Variants in DENND1A observed in about 807,000 individuals in gnomAD.
DENND1A encodes the protein DENN domain containing 1A.
DENND1A carries 51 observed loss-of-function variants against 113.7 expected under a neutral mutation model. The observed-to-expected ratio is 0.45, with a 90% CI of 0.36 to 0.57. The LOEUF (loss-of-function observed/expected upper bound fraction) is 0.57. Ranked by LOEUF, DENND1A falls within the 20% of genes least tolerant of loss-of-function variation. The pLI is 0.00. For synonymous variants in DENND1A, 565 were observed against 570.8 expected, an observed-to-expected ratio of 0.99 and a Z score of 0.14; for missense variants, 1,258 against 1,395.9, an observed-to-expected ratio of 0.90 and a Z score of 1.57.
intron 19 of DENND1A, among the ~76,000 whole-genome samples, chr9:123,434,360 T>G (rs2046363430): frequency 6.6e-6 from 1 of 152,230 alleles, no homozygotes; most frequent in South Asian, 2.1e-4. Context: ...GAAAGTGAAT[T>G]TGGAAATAGT....
At chr9:123,592,666 G>C (rs1209202351) in intron 11 of DENND1A, among the ~76,000 whole-genome samples, 1 of 152,082 alleles carries the variant, frequency 6.6e-6, no homozygotes, top group African/African-American at 2.4e-5. Context: ...GTGTTGGTTT[G>C]GATTTATTTT....
intron 13 of DENND1A, among the ~76,000 whole-genome samples, chr9:123,535,072 C>T (rs557033642): frequency 1.3e-5 from 2 of 152,108 alleles, no homozygotes; most frequent in South Asian, 2.1e-4. Context: ...CACCTCTACC[C>T]AAATAACACC....
At chr9:123,776,371 A>G (rs1425683024) in intron 3 of DENND1A, among the ~76,000 whole-genome samples, 1 of 152,244 alleles carries the variant, frequency 6.6e-6, no homozygotes, top group African/African-American at 2.4e-5. Context: ...ATTTTTAAAT[A>G]TGTTCAAACA....
chr9:123,427,966 G>A (rs1310422176), intron 19 of DENND1A, among the ~76,000 whole-genome samples: 1 of 152,178 alleles, frequency 6.6e-6, no homozygotes, highest in Non-Finnish European at 1.5e-5. Flanking sequence ...CCTGAGAATG[G>A]CCGTAGCAGA....
chr9:123,639,445 AC>A (rs1324633211), intron 9 of DENND1A, among the ~76,000 whole-genome samples: 2 of 76,226 alleles, frequency 2.6e-5, no homozygotes, highest in Non-Finnish European at 5.0e-5. Context: ...TATCCCCCCA[AC>A]CCCCTACCAA....
chr9:123,679,120 A>G (rs186087676), intron 5 of DENND1A, among the ~76,000 whole-genome samples: 1 of 152,254 alleles, frequency 6.6e-6, no homozygotes, highest in Non-Finnish European at 1.5e-5. Context: ...AAGGGGAAGT[A>G]GAATCTTGCA....
intron 2 of DENND1A, among the ~76,000 whole-genome samples, chr9:123,838,234 T>C (rs1213651747): frequency 1.3e-5 from 2 of 152,192 alleles, no homozygotes; most frequent in African/African-American, 4.8e-5. Flanking sequence ...TTTCTGTGCG[T>C]TGGTTTGTAA....
intron 13 of DENND1A, among the ~76,000 whole-genome samples, chr9:123,555,275 A>G (rs1564710085): frequency 6.6e-6 from 1 of 152,120 alleles, no homozygotes; most frequent in Non-Finnish European, 1.5e-5. Context: ...CCATCACTGT[A>G]CTACTGCTCA....
At chr9:123,584,574 A>G (rs1370789750) in intron 11 of DENND1A, among the ~76,000 whole-genome samples, 4 of 152,232 alleles carry the variant, frequency 2.6e-5, no homozygotes, top group African/African-American at 9.6e-5. Flanking sequence ...AGTAGCATAT[A>G]CTAGAAGCTT....
At chr9:123,650,330 T>C (rs1234407311) in intron 9 of DENND1A, among the ~76,000 whole-genome samples, 2 of 152,148 alleles carry the variant, frequency 1.3e-5, no homozygotes, top group Non-Finnish European at 2.9e-5. Context: ...GAAGGTATAA[T>C]AAAAACTGTA....
chr9:123,776,741 T>C (rs1830530968), intron 3 of DENND1A, among the ~76,000 whole-genome samples: 1 of 152,240 alleles, frequency 6.6e-6, no homozygotes, highest in South Asian at 2.1e-4. Context: ...AAAAAAGTGA[T>C]CTTTGTCAGA....
At chr9:123,457,249 G>A in intron 15 of DENND1A, 99 bp downstream of exon 15, 11 of 894,706 alleles carry the variant, frequency 1.2e-5, no homozygotes, top group Non-Finnish European at 2.0e-5. Context: ...CTCTTCCTAA[G>A]CCCCAATAAA....
At chr9:123,623,922 G>A (rs17215082) in intron 10 of DENND1A, among the ~76,000 whole-genome samples, 6,447 of 152,184 alleles carry the variant, frequency 0.042, 170 homozygotes, top group South Asian at 0.059. Context: ...ATCTTCAGGC[G>A]CCATGTAAAA....
intron 13 of DENND1A, among the ~76,000 whole-genome samples, chr9:123,499,395 T>A (rs958307870): frequency 3.3e-5 from 5 of 152,218 alleles, no homozygotes; most frequent in African/African-American, 1.2e-4. Flanking sequence ...AAGACCAGAA[T>A]ATCATAAAGG....
intron 11 of DENND1A, among the ~76,000 whole-genome samples, chr9:123,607,568 G>C (rs2060229364): frequency 7.3e-6 from 1 of 136,096 alleles, no homozygotes; most frequent in South Asian, 2.6e-4. Context: ...GTGTGTGTGT[G>C]TGTGTGTGTG....
At chr9:123,391,338 T>G (rs924413126) in intron 21 of DENND1A, among the ~76,000 whole-genome samples, 1 of 152,196 alleles carries the variant, frequency 6.6e-6, no homozygotes, top group Admixed American at 6.5e-5. Flanking sequence ...CTTTGTCGAG[T>G]CCAGGCCACA....
chr9:123,696,302 T>C (rs1025465454), intron 5 of DENND1A, among the ~76,000 whole-genome samples: 1 of 152,246 alleles, frequency 6.6e-6, no homozygotes, highest in African/African-American at 2.4e-5. Flanking sequence ...TGGCAGTTCC[T>C]GTACTTTAAA....
chr9:123,480,004 A>C (rs1203754954), intron 13 of DENND1A, among the ~76,000 whole-genome samples: 1 of 152,010 alleles, frequency 6.6e-6, no homozygotes, highest in Non-Finnish European at 1.5e-5. Context: ...GTCAGGGCAG[A>C]CTCCCCTACC....
intron 13 of DENND1A, among the ~76,000 whole-genome samples, chr9:123,459,105 G>T (rs927979936): frequency 6.6e-6 from 1 of 152,230 alleles, no homozygotes; most frequent in African/African-American, 2.4e-5. Flanking sequence ...GGAGGCAGAG[G>T]TTGCAGTGAA....
Sources: allele counts gnomAD v4.1 joint callset (sites outside exome capture counted in the v4.1 genomes callset), GRCh38; gene constraint gnomAD v4.1.1; transcripts MANE v1.5; gene names NCBI Gene and HGNC (gene_info 2026-07-23, HGNC 2026-07-21).